Variants in ANKRD55 observed in about 807,000 individuals in gnomAD.
ANKRD55 encodes the protein ankyrin repeat domain-containing protein 55.
ANKRD55 carries 41 observed loss-of-function variants against 60.6 expected under a neutral mutation model. That is an observed-to-expected ratio of 0.68 (90% CI 0.53 to 0.88). ANKRD55 has a LOEUF of 0.88. Among genes scored for constraint, ANKRD55 ranks in the 40% least tolerant of loss-of-function variants. ANKRD55 has a pLI of 0.00. For synonymous variants in ANKRD55, 264 were observed against 290.3 expected, an observed-to-expected ratio of 0.91 and a Z score of 0.92; for missense variants, 732 against 767.6, an observed-to-expected ratio of 0.95 and a Z score of 0.55.
intron 10 of ANKRD55, among the ~76,000 whole-genome samples, chr5:56,105,434 T>C (rs1317131067): frequency 6.6e-6 from 1 of 152,216 alleles, no homozygotes. Context: ...CCATATTTCC[T>C]ACAGAGATCA....
At chr5:56,146,226 C>T (rs1757890215) in intron 6 of ANKRD55, among the ~76,000 whole-genome samples, 1 of 152,034 alleles carries the variant, frequency 6.6e-6, no homozygotes, top group African/African-American at 2.4e-5. Context: ...TGGTGCCAGG[C>T]ACATTATAGA....
At chr5:56,107,202 C>T (rs1377342006) in intron 10 of ANKRD55, among the ~76,000 whole-genome samples, 2 of 152,086 alleles carry the variant, frequency 1.3e-5, no homozygotes, top group African/African-American at 4.8e-5. Context: ...ATCTATACCC[C>T]TTAAAGCTGA....
chr5:56,173,859 TTTTA>T (rs775081950), intron 4 of ANKRD55, among the ~76,000 whole-genome samples: 130 of 152,182 alleles, frequency 8.5e-4, no homozygotes, highest in Non-Finnish European at 1.5e-3. Flanking sequence ...ACTCTACATA[TTTTA>T]TTTGAGTTTG....
At chr5:56,229,093 G>GA (rs1760186128) in intron 2 of ANKRD55, among the ~76,000 whole-genome samples, 2 of 126,774 alleles carry the variant, frequency 1.6e-5, no homozygotes, top group Non-Finnish European at 3.3e-5. Context: ...CCCCTCGCCT[G>GA]TTTTTTTTTT....
At chr5:56,167,003 T>G (rs561455134) in intron 5 of ANKRD55, among the ~76,000 whole-genome samples, 3 of 152,356 alleles carry the variant, frequency 2.0e-5, no homozygotes, top group African/African-American at 7.2e-5. Context: ...TGCAGATGTA[T>G]CAAACTCTGC....
chr5:56,142,493 G>A (rs1757798780), intron 7 of ANKRD55, among the ~76,000 whole-genome samples: 2 of 152,232 alleles, frequency 1.3e-5, no homozygotes, highest in Non-Finnish European at 2.9e-5. Flanking sequence ...GGCTGGGATG[G>A]TGGAAGGGGG....
intron 2 of ANKRD55, among the ~76,000 whole-genome samples, chr5:56,219,554 A>G (rs1447367730): frequency 6.6e-6 from 1 of 152,230 alleles, no homozygotes; most frequent in Non-Finnish European, 1.5e-5. Flanking sequence ...GGGTAAAACC[A>G]TCATGACTTT....
At chr5:56,160,750 A>C (rs924743612) in intron 5 of ANKRD55, 3 of 152,238 alleles carry the variant, frequency 2.0e-5, no homozygotes, top group African/African-American at 7.2e-5. Context: ...TAATCAGTGT[A>C]AAACAGCTAT....
intron 2 of ANKRD55, among the ~76,000 whole-genome samples, chr5:56,220,143 C>A (rs75274358): frequency 0.013 from 1,932 of 152,348 alleles, 28 homozygotes; most frequent in Non-Finnish European, 0.02. Context: ...TCTCCGGATA[C>A]CACTCAAGGG....
intron 2 of ANKRD55, among the ~76,000 whole-genome samples, chr5:56,200,878 A>T (rs1759348908): frequency 6.6e-6 from 1 of 152,150 alleles, no homozygotes; most frequent in South Asian, 2.1e-4. Flanking sequence ...GTCTGGATTC[A>T]TTTTGGACAA....
intron 9 of ANKRD55, chr5:56,114,187 G>A: frequency 6.1e-6 from 1 of 164,920 alleles, no homozygotes; most frequent in Non-Finnish European, 1.3e-5. Context: ...AATTAGCCAG[G>A]GGTAGTAGCA....
intron 2 of ANKRD55, among the ~76,000 whole-genome samples, chr5:56,205,368 G>A (rs540939641): frequency 2.4e-4 from 37 of 152,266 alleles, no homozygotes; most frequent in Admixed American, 2.2e-3. Flanking sequence ...GGCTAGACTT[G>A]TTTTCTGTAA....
intron 9 of ANKRD55, among the ~76,000 whole-genome samples, chr5:56,113,076 T>C (rs533105556): frequency 1.3e-4 from 20 of 152,310 alleles, no homozygotes; most frequent in Non-Finnish European, 2.4e-4. Flanking sequence ...TCTGTGTGAA[T>C]TGATGCTATT....
chr5:56,211,316 T>C (rs1435157001), intron 2 of ANKRD55, among the ~76,000 whole-genome samples: 3 of 152,218 alleles, frequency 2.0e-5, no homozygotes, highest in Non-Finnish European at 4.4e-5. Context: ...ACAGTCTTAA[T>C]GATGGCCAGC....
In ANKRD55 at chr5:56,157,870, C is replaced by T. The variant is rs187374938; in HGVS notation, c.483+1963G>A. Among the ~76,000 whole-genome samples the T allele has an allele frequency of 1.9e-3, 282 of 152,274 alleles. 1 individual carries two copies. Among genetic ancestry groups the T allele is most frequent in the African/African-American group, 6.5e-3 (268 of 41,544 alleles). ...CCAGTCCCGTGGGCCCACTTTTCTT[C>T]TTCTATACTTTGTCTCTGTGTCTCT... On this transcript the variant is annotated intron_variant, in intron 6 of 11. Transcript: ENST00000341048.
intron 2 of ANKRD55, among the ~76,000 whole-genome samples, chr5:56,229,948 G>T (rs889422029): frequency 6.6e-6 from 1 of 152,180 alleles, no homozygotes; most frequent in African/African-American, 2.4e-5. Flanking sequence ...CTGAAATGTG[G>T]AAGAGGGGTA....
intron 5 of ANKRD55, among the ~76,000 whole-genome samples, chr5:56,166,201 CT>C (rs1388911293): frequency 1.7e-4 from 20 of 117,444 alleles, no homozygotes; most frequent in East Asian, 5.3e-4. Context: ...TTCCTTCCTT[CT>C]CTCTCTCTCT....
chr5:56,209,151 T>TA (rs1382245723), intron 2 of ANKRD55, among the ~76,000 whole-genome samples: 1 of 152,102 alleles, frequency 6.6e-6, no homozygotes, highest in Non-Finnish European at 1.5e-5. Context: ...GAGACAGGGT[T>TA]ATGCCATGTT....
intron 2 of ANKRD55, among the ~76,000 whole-genome samples, chr5:56,212,089 C>CACAT (rs1491151410): frequency 5.5e-5 from 4 of 72,170 alleles, no homozygotes; most frequent in Non-Finnish European, 9.5e-5. Context: ...CACACACACA[C>CACAT]GCGTACCTAT....
Sources: gnomAD v4.1 joint callset for allele counts (sites outside exome capture counted in the v4.1 genomes callset) on GRCh38, gnomAD v4.1.1 for gene constraint, MANE v1.5 for transcripts, NCBI Gene and HGNC (gene_info 2026-07-23, HGNC 2026-07-21) for gene names.